RABEP1: variants seen among roughly 807,000 people sequenced by gnomAD.
RABEP1 encodes rab GTPase-binding effector protein 1.
Under a neutral mutation model 123.4 loss-of-function variants are expected in RABEP1, and 51 were observed. That is an observed-to-expected ratio of 0.41 (90% CI 0.33 to 0.52). The LOEUF is 0.52. RABEP1 is among the 20% of genes least tolerant of loss of function. The pLI is 0.16. For missense variants in RABEP1, 888 were observed against 996.3 expected, an observed-to-expected ratio of 0.89 and a Z score of 1.46; for synonymous variants, 347 against 355.2, an observed-to-expected ratio of 0.98 and a Z score of 0.26.
At chr17:5,317,205 C>T (rs954216182) in intron 2 of RABEP1, among the ~76,000 whole-genome samples, 1 of 152,096 alleles carries the variant, frequency 6.6e-6, no homozygotes, top group African/African-American at 2.4e-5. Context: ...CACAAAAGAA[C>T]TAGCAAATCA....
rs1911651276 is a variant in RABEP1 at position 5,383,278 on chromosome 17, GC to G, written c.*56del. Reference sequence around the variant, plus strand: ...TTTGGGTTTTTAACTCATCTTTAGAGCAACAGTAATTATTATTTAACTCTTA... The same window carrying G: ...TTTGGGTTTTTAACTCATCTTTAGAGAACAGTAATTATTATTTAACTCTTA... On this transcript the variant is annotated 3_prime_UTR_variant, in exon 18 of 18. Coordinates refer to ENST00000537505, the MANE Select transcript of RABEP1 (RefSeq NM_004703.6). The G allele has an allele frequency of 4.5e-6, 6 of 1,334,282 alleles. No individual in the cohort carries two copies. The highest frequency in any genetic ancestry group is 3.4e-5 in the Admixed American group (2 of 58,144). The allele number at this position is 1,334,282 out of a possible 1,614,324, so 82.7% of individuals were successfully genotyped here.
At chr17:5,382,881 T>A (rs1056166532) in intron 17 of RABEP1, among the ~76,000 whole-genome samples, 1 of 151,300 alleles carries the variant, frequency 6.6e-6, no homozygotes, top group Non-Finnish European at 1.5e-5. Flanking sequence ...GATCACACCA[T>A]TGCACTCTGG....
chr17:5,344,719 C>T (rs1001430372), intron 5 of RABEP1, among the ~76,000 whole-genome samples: 6 of 138,500 alleles, frequency 4.3e-5, no homozygotes, highest in Non-Finnish European at 7.5e-5. Flanking sequence ...TTGCAGTGTG[C>T]CGAGATCGTG....
At chr17:5,311,697 C>CAAAAAAAAAA (rs35876639) in intron 2 of RABEP1, among the ~76,000 whole-genome samples, 1 of 70,864 alleles carries the variant, frequency 1.4e-5, no homozygotes, top group Non-Finnish European at 2.4e-5. Flanking sequence ...GACTTCATCT[C>CAAAAAAAAAA]AAAAAAAAAA....
intron 2 of RABEP1, among the ~76,000 whole-genome samples, chr17:5,311,713 A>C (rs889730078): frequency 4.0e-5 from 6 of 151,220 alleles, no homozygotes; most frequent in African/African-American, 1.2e-4. Context: ...AAAAAAAAAA[A>C]AAAAAAACAG....
At chr17:5,283,190 C>T (rs1017080378) in intron 1 of RABEP1, among the ~76,000 whole-genome samples, 4 of 151,704 alleles carry the variant, frequency 2.6e-5, no homozygotes, top group Admixed American at 6.6e-5. Flanking sequence ...ATAAAAATAG[C>T]AACACGAATG....
chr17:5,380,074 T>C (rs1422845340), intron 15 of RABEP1, among the ~76,000 whole-genome samples: 2 of 152,374 alleles, frequency 1.3e-5, no homozygotes, highest in South Asian at 2.1e-4. Flanking sequence ...GGAAGTCCTT[T>C]GTAACTTTTC....
chr17:5,302,362 T>A (rs2075143191), intron 1 of RABEP1, among the ~76,000 whole-genome samples: 1 of 149,226 alleles, frequency 6.7e-6, no homozygotes, highest in Admixed American at 6.8e-5. Context: ...AGCCTCAGCC[T>A]CCCGAGTAGC....
At chr17:5,306,686 AACTG>A (rs375388367) in intron 1 of RABEP1, among the ~76,000 whole-genome samples, 65 of 152,002 alleles carry the variant, frequency 4.3e-4, no homozygotes, top group African/African-American at 1.4e-3. Flanking sequence ...CTAAGCATGG[AACTG>A]AGTCAGAATC....
chr17:5,365,061 TAAA>T (rs58953748), intron 10 of RABEP1, 58 bp from the exon 11 acceptor site: 691 of 909,264 alleles, frequency 7.6e-4, no homozygotes, highest in Middle Eastern at 1.9e-3. Context: ...GAGTTAGATT[TAAA>T]AAAAAAAAAA....
At chr17:5,290,082 T>C (rs2075018211) in intron 1 of RABEP1, among the ~76,000 whole-genome samples, 1 of 152,204 alleles carries the variant, frequency 6.6e-6, no homozygotes, top group Admixed American at 6.5e-5. Context: ...ATATTGTCTT[T>C]ATAGAAGTAT....
intron 5 of RABEP1, among the ~76,000 whole-genome samples, chr17:5,342,472 TAC>T (rs1907697908): frequency 6.6e-6 from 1 of 152,034 alleles, no homozygotes; most frequent in Admixed American, 6.6e-5. Context: ...ACCCAGTCTC[TAC>T]TAAAAGTACA....
chr17:5,291,767 A>T lies in RABEP1; in HGVS notation c.34+9247A>T, dbSNP rs1307391007. On this transcript the variant is annotated intron_variant, in intron 1 of 17. Coordinates refer to ENST00000537505, the MANE Select transcript of RABEP1 (RefSeq NM_004703.6). ...ACTAAAAATACAAAAATTAGGCCTG[A>T]TGGTGTGCGCCTGTAATCCCAGCTA... Among the ~76,000 whole-genome samples the T allele has an allele frequency of 4.6e-5, 7 of 152,020 alleles. No individual in the cohort carries two copies. The East Asian group carries it at 1.4e-3, about 30-fold the overall frequency.
intron 5 of RABEP1, among the ~76,000 whole-genome samples, chr17:5,343,663 C>CTTTTTTTT (rs1907810071): frequency 1.6e-5 from 2 of 124,062 alleles, no homozygotes; most frequent in African/African-American, 6.5e-5. Flanking sequence ...TTCTTTCTTT[C>CTTTTTTTT]TTTTCTCTTT....
At chr17:5,282,577 C>T in intron 1 of RABEP1, 57 bp downstream of exon 1, 3 of 1,101,520 alleles carry the variant, frequency 2.7e-6, no homozygotes, top group South Asian at 4.5e-5. Context: ...GTCGGCGTCG[C>T]GGGAGGATTT....
chr17:5,380,219 A>T, intron 15 of RABEP1, 145 bp from the exon 16 acceptor site: 1 of 600,878 alleles, frequency 1.7e-6, no homozygotes, highest in Non-Finnish European at 2.9e-6. Context: ...TACAGAGGGG[A>T]TCCACAGAGC....
In RABEP1 at chr17:5,361,270, T is replaced by C; in HGVS notation, c.1158T>C (p.Ser386=). The change falls in exon 9 of 18, where the codon TCT becomes TCC. Residue 386 remains serine, a synonymous_variant. Transcript: ENST00000537505. ...HSLDAGLLLP[S]GDPFSKSDND... is the part of the protein sequence containing the mutation. ...TAGATGCAGGCTTGCTGTTGCCATC[T>C]GGAGATCCTTTCAGTAAATCGGACA... 2.5e-6 allele frequency: 4 copies of C among 1,614,238 alleles called. No homozygotes were observed. The highest frequency in any genetic ancestry group is 3.4e-6 in the Non-Finnish European group (4 of 1,180,042).
intron 2 of RABEP1, among the ~76,000 whole-genome samples, chr17:5,316,205 C>T (rs1426668475): frequency 6.6e-6 from 1 of 151,942 alleles, no homozygotes; most frequent in Non-Finnish European, 1.5e-5. Context: ...AATCCTATCA[C>T]TTTGGGAGGC....
At chr17:5,373,731 C>CACAG (rs1910735638) in intron 13 of RABEP1, among the ~76,000 whole-genome samples, 6 of 140,530 alleles carry the variant, frequency 4.3e-5, no homozygotes. Flanking sequence ...CACACACACA[C>CACAG]ACACACGAAA....
Sources: gnomAD v4.1 joint callset for allele counts (sites outside exome capture counted in the v4.1 genomes callset) on GRCh38, gnomAD v4.1.1 for gene constraint, MANE v1.5 for transcripts, NCBI Gene and HGNC (gene_info 2026-07-23, HGNC 2026-07-21) for gene names.